Variants in COL6A5 observed in about 807,000 individuals in gnomAD.
COL6A5 encodes the protein collagen type VI alpha 5 chain.
A neutral mutation model predicts 65.6 loss-of-function variants in COL6A5; 48 were observed. The ratio of observed to expected loss-of-function variants is 0.73; its 90% confidence interval spans 0.58 to 0.93. The LOEUF (loss-of-function observed/expected upper bound fraction) is 0.93. Among genes scored for constraint, COL6A5 ranks in the 40% least tolerant of loss-of-function variants. The pLI is 0.00. For synonymous variants in COL6A5, 291 were observed against 322.8 expected, an observed-to-expected ratio of 0.90 and a Z score of 1.05; for missense variants, 914 against 928.3, an observed-to-expected ratio of 0.98 and a Z score of 0.20.
rs1044277226 is a variant in COL6A5, at chr3:130,385,094, A to G, written c.1591A>G (p.Ile531Val). Residue 531 changes from isoleucine (I) to valine (V), a missense_variant and NMD_transcript_variant, in exon 5 of 42, where the codon ATA (isoleucine) becomes GTA (valine). Coordinates refer to the COL6A5 transcript ENST00000312481. Reference sequence around the variant, plus strand: ...GAAAGCTCTGGATTACATACTGCAAATAATAAAAAATGGAATGAAGGATAG... The same window carrying G: ...GAAAGCTCTGGATTACATACTGCAAGTAATAAAAAATGGAATGAAGGATAG... 1.7e-5 allele frequency: 26 copies of G among 1,551,054 alleles called. No individual in the cohort carries two copies. In the African/African-American group the frequency reaches 2.9e-4, roughly 17 times the overall value.
Position 130,350,358 on chromosome 3 carries a change from G to A in COL6A5, c.-29+4377G>A, listed in dbSNP as rs151149180. 3.9e-3 allele frequency among the ~76,000 whole-genome samples: 587 copies of A among 152,278 alleles called. 2 individuals carry two copies. The highest frequency in any genetic ancestry group is 0.013 in the African/African-American group (537 of 41,554). Reference sequence around the variant, plus strand: ...TAAAAGGTATTCAATTAGGAAAAGAGGAAGTCAAATTGTCCCTGTTTGCAG... The same window carrying A: ...TAAAAGGTATTCAATTAGGAAAAGAAGAAGTCAAATTGTCCCTGTTTGCAG... On this transcript the variant is annotated intron_variant and NMD_transcript_variant, in intron 1 of 41. Coordinates refer to the COL6A5 transcript ENST00000312481.
At position 130,438,631 on chromosome 3, in the gene COL6A5, A is replaced by G. The variant is rs1177918240; in HGVS notation, c.488-891A>G. Among the ~76,000 whole-genome samples, 3 of 152,232 alleles carry G rather than the reference A, an allele frequency of 2.0e-5. No homozygotes were observed. In the East Asian group the frequency reaches 5.8e-4, roughly 29 times the overall value. On this transcript the variant is annotated intron_variant, in intron 1 of 7. Coordinates refer to ENST00000512836, the Ensembl canonical transcript of COL6A5. The stretch of plus-strand genomic sequence containing the variant: ...AAATATTTTCCAATGTTGATTCAGC[A>G]CTTTACAGAAAAACAGAGGGTTTGG...
At chr3:130,438,231 G>A (rs748410957) in intron 1 of COL6A5, among the ~76,000 whole-genome samples, 10 of 152,098 alleles carry the variant, frequency 6.6e-5, no homozygotes, top group African/African-American at 1.4e-4. Context: ...TCCTGACCTC[G>A]TGATCCACCT....
intron 3 of COL6A5, 140 bp from the exon 4 acceptor site, chr3:130,379,278 T>C (rs1559867503): frequency 5.0e-6 from 4 of 805,342 alleles, no homozygotes; most frequent in African/African-American, 1.7e-5. Context: ...TGATTTTTTG[T>C]TCACTAAAAG....
chr3:130,359,315 C>T (rs1935027189), intron 1 of COL6A5, among the ~76,000 whole-genome samples: 1 of 151,890 alleles, frequency 6.6e-6, no homozygotes, highest in African/African-American at 2.4e-5. Context: ...CAACTTGCTA[C>T]CTAATAAAGT....
At chr3:130,461,138 A>G (rs915505244) in intron 5 of COL6A5, among the ~76,000 whole-genome samples, 3 of 152,084 alleles carry the variant, frequency 2.0e-5, no homozygotes, top group East Asian at 1.9e-4. Context: ...AGGGAGATTT[A>G]AAAAAAGACT....
chr3:130,466,284 CAG>C (rs1709813826), intron 5 of COL6A5, among the ~76,000 whole-genome samples: 1 of 151,874 alleles, frequency 6.6e-6, no homozygotes, highest in Non-Finnish European at 1.5e-5. Context: ...CTGACTGAAA[CAG>C]AATTAAATTA....
exon 8 of COL6A5, chr3:130,484,233 G>A (rs1710320752): frequency 3.5e-6 from 2 of 578,188 alleles, no homozygotes; most frequent in South Asian, 5.6e-5. Context: ...AGAATTTTCG[G>A]AGTGAAGACA....
At chr3:130,463,583 C>T (rs1709748892) in intron 5 of COL6A5, among the ~76,000 whole-genome samples, 1 of 152,038 alleles carries the variant, frequency 6.6e-6, no homozygotes, top group Non-Finnish European at 1.5e-5. Flanking sequence ...CTGCTGAATC[C>T]CTAATTCCTT....
intron 5 of COL6A5, 34 bp from the exon 38 acceptor site, chr3:130,468,761 A>G (rs1455421058): frequency 8.0e-6 from 12 of 1,492,262 alleles, no homozygotes; most frequent in Non-Finnish European, 1.1e-5. Context: ...TTATCTTTCC[A>G]TTAAAAAGAA....
intron 3 of COL6A5, among the ~76,000 whole-genome samples, chr3:130,378,153 A>G (rs921862809): frequency 6.6e-6 from 1 of 152,064 alleles, no homozygotes; most frequent in Non-Finnish European, 1.5e-5. Context: ...TTAGATTCCA[A>G]ATTTGTATAA....
intron 4 of COL6A5, among the ~76,000 whole-genome samples, chr3:130,451,637 G>A (rs1386049570): frequency 6.6e-6 from 1 of 151,712 alleles, no homozygotes; most frequent in Non-Finnish European, 1.5e-5. Flanking sequence ...GTGTGAGTCG[G>A]GGCTGCAGGA....
At chr3:130,391,724 C>T (rs755731851) in exon 7 of COL6A5, 1 of 1,551,056 alleles carries the variant, frequency 6.4e-7, no homozygotes, top group South Asian at 1.2e-5. Flanking sequence ...CACACTTGTT[C>T]AAGAACGTAT....
chr3:130,452,987 G>A (rs1296653193), intron 4 of COL6A5, among the ~76,000 whole-genome samples: 1 of 152,124 alleles, frequency 6.6e-6, no homozygotes, highest in African/African-American at 2.4e-5. Flanking sequence ...GCTCACCAGT[G>A]GTCAGAGTTT....
upstream of COL6A5, chr3:130,429,579 G>A (rs1937707772): frequency 6.5e-7 from 1 of 1,546,482 alleles, no homozygotes; most frequent in Non-Finnish European, 8.7e-7. Flanking sequence ...ACAGCTTGCT[G>A]GAAAGGTGAG....
intron 5 of COL6A5, among the ~76,000 whole-genome samples, chr3:130,458,203 TTTAC>T (rs1314392322): frequency 5.9e-5 from 9 of 152,198 alleles, no homozygotes; most frequent in Non-Finnish European, 1.3e-4. Flanking sequence ...TGGCCCTCCT[TTTAC>T]TTAAAGCAGC....
intron 7 of COL6A5, among the ~76,000 whole-genome samples, chr3:130,392,083 G>T (rs1446405533): frequency 6.6e-6 from 1 of 152,178 alleles, no homozygotes; most frequent in Non-Finnish European, 1.5e-5. Flanking sequence ...TGCTCATGGT[G>T]CTCCATTTGG....
rs192681633 is a variant in COL6A5, at chr3:130,386,226, G to T, written c.1861+862G>T. 3.5e-4 allele frequency among the ~76,000 whole-genome samples: 53 copies of T among 152,104 alleles called. 1 individual carries two copies. The highest frequency in any genetic ancestry group is 3.1e-3 in the Admixed American group (48 of 15,266). On this transcript the variant is annotated intron_variant and NMD_transcript_variant, in intron 5 of 41. Coordinates refer to the COL6A5 transcript ENST00000312481. Reference sequence around the variant, plus strand: ...CATACCCTAGCTTTACCACTGATTAGCCACGACCTTGAATAAGTTAGTGTC... The same window carrying T: ...CATACCCTAGCTTTACCACTGATTATCCACGACCTTGAATAAGTTAGTGTC...
chr3:130,394,977 T>C (rs1331738844), exon 8 of COL6A5: 13 of 1,551,388 alleles, frequency 8.4e-6, no homozygotes, highest in Non-Finnish European at 1.1e-5. Flanking sequence ...ATGACAACTT[T>C]CTTGTCAGAC....
Sources: allele counts gnomAD v4.1 joint callset (sites outside exome capture counted in the v4.1 genomes callset), GRCh38; gene constraint gnomAD v4.1.1; transcripts MANE v1.5; gene names NCBI Gene and HGNC (gene_info 2026-07-23, HGNC 2026-07-21).